The following SORCS2 variants were observed in gnomAD, a reference collection of about 807,000 sequenced individuals.
The protein encoded by SORCS2 is VPS10 domain-containing receptor SorCS2.
In SORCS2, 100 loss-of-function variants were observed where a neutral mutation model predicts 141.6. The ratio of observed to expected loss-of-function variants is 0.71; its 90% CI spans 0.60 to 0.83. The LOEUF is 0.83. Among genes scored for constraint, SORCS2 ranks in the 40% least tolerant of loss-of-function variants. The pLI is 0.00. For missense variants in SORCS2, 1,646 were observed against 1,560.2 expected (o/e 1.05, Z -0.93); for synonymous variants, 789 against 676.9 (o/e 1.17, Z -2.57).
intron 1 of SORCS2, among the ~76,000 whole-genome samples, chr4:7,291,558 C>T (rs187619693): frequency 1.3e-5 from 2 of 152,236 alleles, no homozygotes; most frequent in South Asian, 2.1e-4. Flanking sequence ...TCTAGGCCAG[C>T]GTTTCTTCTA....
chr4:7,713,537 T>G (rs1725969553), intron 15 of SORCS2, among the ~76,000 whole-genome samples: 1 of 152,056 alleles, frequency 6.6e-6, no homozygotes, highest in African/African-American at 2.4e-5. Flanking sequence ...GAATTCAGCA[T>G]GGGCAAATGG....
At chr4:7,525,338 A>G (rs1337472729) in intron 2 of SORCS2, among the ~76,000 whole-genome samples, 1 of 152,016 alleles carries the variant, frequency 6.6e-6, no homozygotes, top group East Asian at 1.9e-4. Context: ...TTTTGTTGAT[A>G]AGGACCCTGA....
intron 2 of SORCS2, 32 bp downstream of exon 2, chr4:7,396,387 A>G (rs1225291469): frequency 5.0e-6 from 8 of 1,610,302 alleles, no homozygotes; most frequent in Non-Finnish European, 6.8e-6. Context: ...CCTTTCTCTT[A>G]TGCACCTGCG....
At chr4:7,206,210 G>A (rs1727729635) in intron 1 of SORCS2, among the ~76,000 whole-genome samples, 1 of 152,136 alleles carries the variant, frequency 6.6e-6, no homozygotes, top group Non-Finnish European at 1.5e-5. Flanking sequence ...GTCTTCCCCA[G>A]GCCTCCTCTC....
chr4:7,527,358 C>G (rs75205470), intron 2 of SORCS2, among the ~76,000 whole-genome samples: 343 of 152,316 alleles, frequency 2.3e-3, no homozygotes, highest in African/African-American at 7.7e-3. Flanking sequence ...CCTCGTGGGG[C>G]CTTTGTAATC....
chr4:7,702,268 G>A (rs945222049), intron 12 of SORCS2, among the ~76,000 whole-genome samples: 6 of 152,178 alleles, frequency 3.9e-5, no homozygotes, highest in East Asian at 3.9e-4. Context: ...GGCCACTTTC[G>A]AGGAGGGGCG....
At chr4:7,219,451 A>G (rs941328393) in intron 1 of SORCS2, among the ~76,000 whole-genome samples, 5 of 152,190 alleles carry the variant, frequency 3.3e-5, no homozygotes, top group African/African-American at 1.2e-4. Context: ...TCACGCTGCT[A>G]TAAGGACATA....
At chr4:7,667,400 G>T (rs1722566347) in intron 8 of SORCS2, among the ~76,000 whole-genome samples, 187 bp downstream of exon 8, 1 of 152,108 alleles carries the variant, frequency 6.6e-6, no homozygotes, top group African/African-American at 2.4e-5. Flanking sequence ...AGCCCTTCCA[G>T]ACTCAGCTGT....
intron 3 of SORCS2, among the ~76,000 whole-genome samples, chr4:7,601,090 T>C (rs1177112022): frequency 6.6e-6 from 1 of 152,164 alleles, no homozygotes; most frequent in African/African-American, 2.4e-5. Context: ...TTCGCCGTGT[T>C]TCCTGGTCTC....
chr4:7,416,648 ACATG>A (rs58110883), intron 2 of SORCS2, among the ~76,000 whole-genome samples: 1,747 of 152,198 alleles, frequency 0.011, 28 homozygotes, highest in African/African-American at 0.04. Flanking sequence ...ACAAGCACAC[ACATG>A]CATGCATGCA....
intron 2 of SORCS2, chr4:7,433,758 T>TGCCCGG: frequency 6.2e-7 from 1 of 1,613,418 alleles, no homozygotes; most frequent in South Asian, 1.1e-5. Context: ...CATCATGGAC[T>TGCCCGG]GCCCGGGCCC....
At chr4:7,373,926 A>G (rs1722441982) in intron 1 of SORCS2, among the ~76,000 whole-genome samples, 1 of 152,144 alleles carries the variant, frequency 6.6e-6, no homozygotes, top group Non-Finnish European at 1.5e-5. Context: ...GTTTATCTAT[A>G]GATTAATATT....
chr4:7,557,710 G>T (rs1233803201), intron 3 of SORCS2, among the ~76,000 whole-genome samples: 3 of 152,186 alleles, frequency 2.0e-5, no homozygotes, highest in Non-Finnish European at 4.4e-5. Flanking sequence ...CAAATGCCCA[G>T]GGAAAAGTAC....
chr4:7,445,428 A>G (rs545806155), intron 2 of SORCS2, among the ~76,000 whole-genome samples: 9 of 152,194 alleles, frequency 5.9e-5, no homozygotes, highest in African/African-American at 1.9e-4. Context: ...TCCTGGGAAG[A>G]GCATGAGGCC....
At chr4:7,243,068 C>T (rs1019050877) in intron 1 of SORCS2, among the ~76,000 whole-genome samples, 4 of 152,100 alleles carry the variant, frequency 2.6e-5, no homozygotes, top group Non-Finnish European at 5.9e-5. Context: ...TGGCTCGGCG[C>T]CCTGGTGAGG....
chr4:7,282,196 G>A (rs547211760), intron 1 of SORCS2, among the ~76,000 whole-genome samples: 43 of 152,296 alleles, frequency 2.8e-4, no homozygotes, highest in Non-Finnish European at 5.4e-4. Flanking sequence ...TATCAGTGCC[G>A]GCTGCTGCTG....
chr4:7,563,872 A>G (rs1464034730), intron 3 of SORCS2, among the ~76,000 whole-genome samples: 2 of 152,202 alleles, frequency 1.3e-5, no homozygotes, highest in African/African-American at 4.8e-5. Context: ...GACTATCGCT[A>G]AGCAATGTAA....
chr4:7,431,518 C>G (rs922593839), intron 2 of SORCS2: 3 of 152,268 alleles, frequency 2.0e-5, no homozygotes, highest in Non-Finnish European at 1.5e-5. Flanking sequence ...GTGGGAACAC[C>G]TACCGGCAGG....
Position 7,218,152 on chromosome 4 carries a change from G to A in SORCS2, c.480+25026G>A, listed in dbSNP as rs529158662. On this transcript the variant is annotated intron_variant, in intron 1 of 26. Coordinates refer to ENST00000507866, the MANE Select transcript of SORCS2 (RefSeq NM_020777.3). Reference sequence around the variant, plus strand: ...TATCTTTGGAGGTTTCCGAGTGGGCGGACTTGGCCCGAGTAGAAGGTCAGA... The same window carrying A: ...TATCTTTGGAGGTTTCCGAGTGGGCAGACTTGGCCCGAGTAGAAGGTCAGA... Among the ~76,000 whole-genome samples, 32 of 152,254 alleles carry A rather than the reference G, an allele frequency of 2.1e-4. No individual in the cohort carries two copies. The East Asian group carries it at 2.1e-3, about 10-fold the overall frequency.
Sources: gnomAD v4.1 joint callset for allele counts (sites outside exome capture counted in the v4.1 genomes callset) on GRCh38, gnomAD v4.1.1 for gene constraint, MANE v1.5 for transcripts, NCBI Gene and HGNC (gene_info 2026-07-23, HGNC 2026-07-21) for gene names.